Variants in TBC1D22A observed in about 807,000 individuals in gnomAD.
TBC1D22A encodes the protein TBC1 domain family member 22A.
A neutral mutation model predicts 60.2 loss-of-function variants in TBC1D22A; 38 were observed. That is an observed-to-expected ratio of 0.63 (90% CI 0.49 to 0.83). TBC1D22A has a LOEUF of 0.83. Ranked by LOEUF, TBC1D22A falls within the 40% of genes least tolerant of loss-of-function variation. The pLI is 0.00. For synonymous variants in TBC1D22A, 302 were observed against 281.7 expected (o/e 1.07, Z -0.72); for missense variants, 628 against 701.0 (o/e 0.90, Z 1.18).
intron 10 of TBC1D22A, among the ~76,000 whole-genome samples, chr22:47,016,102 G>C (rs1006412419): frequency 6.6e-6 from 1 of 152,228 alleles, no homozygotes; most frequent in South Asian, 2.1e-4. Context: ...CGCTTCCTGT[G>C]AGTCCAGCCC....
At chr22:47,159,609 C>T (rs1349856536) in intron 12 of TBC1D22A, among the ~76,000 whole-genome samples, 1 of 151,838 alleles carries the variant, frequency 6.6e-6, no homozygotes, top group Non-Finnish European at 1.5e-5. Context: ...ACCATGTGTA[C>T]ATACACTATA....
At chr22:47,149,124 G>A (rs535487290) in intron 12 of TBC1D22A, among the ~76,000 whole-genome samples, 82 of 152,258 alleles carry the variant, frequency 5.4e-4, no homozygotes, top group African/African-American at 1.9e-3. Flanking sequence ...CCCGTTGTTG[G>A]TCCAGTCCCC....
At chr22:47,104,694 CAA>C (rs34812715) in intron 11 of TBC1D22A, among the ~76,000 whole-genome samples, 95 of 102,064 alleles carry the variant, frequency 9.3e-4, no homozygotes, top group Middle Eastern at 5.4e-3. Context: ...GACTCTGTCT[CAA>C]AAAAAAAAAA....
chr22:46,971,150 A>G (rs564424354), intron 8 of TBC1D22A, among the ~76,000 whole-genome samples: 1 of 152,354 alleles, frequency 6.6e-6, no homozygotes, highest in African/African-American at 2.4e-5. Flanking sequence ...CTTGAAGAGT[A>G]ACAAATGGCC....
intron 8 of TBC1D22A, among the ~76,000 whole-genome samples, chr22:46,919,723 C>T (rs571560789): frequency 3.8e-3 from 447 of 116,432 alleles, no homozygotes; most frequent in Non-Finnish European, 5.4e-3. Context: ...TTGTCATCAT[C>T]TTTCACTCTT....
At chr22:46,825,252 T>C (rs1014395324) in intron 4 of TBC1D22A, among the ~76,000 whole-genome samples, 1 of 152,070 alleles carries the variant, frequency 6.6e-6, no homozygotes, top group Admixed American at 6.5e-5. Context: ...AGGAATTTCT[T>C]AGAGGTGCCT....
intron 10 of TBC1D22A, among the ~76,000 whole-genome samples, chr22:47,030,608 G>A (rs907799182): frequency 2.0e-5 from 3 of 152,080 alleles, no homozygotes; most frequent in Non-Finnish European, 4.4e-5. Context: ...AGGGCTTTAT[G>A]AAAAAACCTT....
chr22:46,875,120 C>T (rs982058784), intron 4 of TBC1D22A, among the ~76,000 whole-genome samples: 9 of 152,170 alleles, frequency 5.9e-5, no homozygotes, highest in Admixed American at 1.3e-4. Flanking sequence ...GCGTTCATCG[C>T]AGCCTATTTA....
At chr22:47,162,511 TTTTC>T (rs997884474) in intron 12 of TBC1D22A, among the ~76,000 whole-genome samples, 5 of 152,116 alleles carry the variant, frequency 3.3e-5, no homozygotes, top group African/African-American at 1.2e-4. Context: ...AGCTTCGAGG[TTTTC>T]TTTCTTCCTT....
intron 11 of TBC1D22A, among the ~76,000 whole-genome samples, chr22:47,105,762 C>T (rs370772581): frequency 3.3e-5 from 5 of 152,118 alleles, no homozygotes; most frequent in African/African-American, 1.2e-4. Context: ...CCCACCCCCC[C>T]ACTCCCCAAA....
chr22:47,076,746 GA>G (rs2064243283), intron 11 of TBC1D22A, among the ~76,000 whole-genome samples: 1 of 151,878 alleles, frequency 6.6e-6, no homozygotes, highest in African/African-American at 2.4e-5. Context: ...ACAGGTGGGG[GA>G]AAACAAACAA....
chr22:47,024,295 A>G (rs1467533445), intron 10 of TBC1D22A, among the ~76,000 whole-genome samples: 1 of 152,236 alleles, frequency 6.6e-6, no homozygotes, highest in Non-Finnish European at 1.5e-5. Context: ...CAAAAAAAGG[A>G]AAAGTGGAAC....
At chr22:46,975,916 C>T (rs1190592816) in intron 9 of TBC1D22A, among the ~76,000 whole-genome samples, 5 of 152,292 alleles carry the variant, frequency 3.3e-5, no homozygotes, top group South Asian at 4.1e-4. Context: ...CCAGACTCCT[C>T]GTGACTTACT....
chr22:46,876,311 A>G (rs1602268258), intron 4 of TBC1D22A, among the ~76,000 whole-genome samples: 1 of 152,358 alleles, frequency 6.6e-6, no homozygotes, highest in East Asian at 1.9e-4. Flanking sequence ...CCGCACAAAA[A>G]GACAGACATT....
At chr22:46,918,273 A>G (rs2070515834) in intron 8 of TBC1D22A, among the ~76,000 whole-genome samples, 1 of 152,124 alleles carries the variant, frequency 6.6e-6, no homozygotes, top group African/African-American at 2.4e-5. Flanking sequence ...AGAGAGGGAG[A>G]TGGTGCAGGG....
At chr22:47,161,424 G>GT (rs563798407) in intron 12 of TBC1D22A, among the ~76,000 whole-genome samples, 200 of 152,246 alleles carry the variant, frequency 1.3e-3, no homozygotes, top group African/African-American at 4.8e-3. Context: ...GCATCGTTAT[G>GT]TTTTTTTCAA....
intron 11 of TBC1D22A, among the ~76,000 whole-genome samples, chr22:47,105,513 T>C (rs1189839942): frequency 6.6e-6 from 1 of 152,234 alleles, no homozygotes; most frequent in Non-Finnish European, 1.5e-5. Context: ...GGGGACTGTT[T>C]TGTTCAGGGA....
At chr22:47,029,715 G>A (rs1202163525) in intron 10 of TBC1D22A, among the ~76,000 whole-genome samples, 4 of 152,222 alleles carry the variant, frequency 2.6e-5, no homozygotes, top group Non-Finnish European at 2.9e-5. Context: ...GTCCTGTGCC[G>A]GGAAAGTGGA....
chr22:47,084,355 G>A (rs577232957), intron 11 of TBC1D22A, among the ~76,000 whole-genome samples: 1 of 152,308 alleles, frequency 6.6e-6, no homozygotes, highest in South Asian at 2.1e-4. Context: ...GACTGGACCG[G>A]CAGCTTCCGC....
Sources: allele counts gnomAD v4.1 joint callset (sites outside exome capture counted in the v4.1 genomes callset), GRCh38; gene constraint gnomAD v4.1.1; transcripts MANE v1.5; gene names NCBI Gene and HGNC (gene_info 2026-07-23, HGNC 2026-07-21).